NLGN1: variants seen among roughly 807,000 people sequenced by gnomAD.
The protein encoded by NLGN1 is neuroligin 1, also known as neuroligin-1.
A neutral mutation model predicts 65.5 loss-of-function variants in NLGN1; 12 were observed. The observed-to-expected ratio is 0.18, with a 90% CI of 0.12 to 0.30. The LOEUF (loss-of-function observed/expected upper bound fraction) is 0.30, where lower values mean the gene tolerates loss of function less well. Ranked by LOEUF, NLGN1 falls within the 10% of genes least tolerant of loss-of-function variation. NLGN1 has a pLI of 1.00. For synonymous variants in NLGN1, 350 were observed against 359.5 expected, an observed-to-expected ratio of 0.97 and a Z score of 0.30; for missense variants, 750 against 1,007.1, an observed-to-expected ratio of 0.74 and a Z score of 3.46.
At chr3:173,913,143 C>T (rs192786174) in intron 4 of NLGN1, among the ~76,000 whole-genome samples, 2 of 152,220 alleles carry the variant, frequency 1.3e-5, no homozygotes, top group East Asian at 3.9e-4. Context: ...TCTTGGTATT[C>T]CCTGACCAGT....
At chr3:174,168,270 G>A (rs1727895848) in intron 4 of NLGN1, among the ~76,000 whole-genome samples, 1 of 152,078 alleles carries the variant, frequency 6.6e-6, no homozygotes, top group Non-Finnish European at 1.5e-5. Context: ...TTCTTTGGTG[G>A]TGTCACTACA....
At chr3:173,603,494 C>G (rs181198658) in intron 2 of NLGN1, among the ~76,000 whole-genome samples, 1 of 152,028 alleles carries the variant, frequency 6.6e-6, no homozygotes, top group Non-Finnish European at 1.5e-5. Context: ...AATATATTGA[C>G]TTTGAGTCAT....
intron 4 of NLGN1, among the ~76,000 whole-genome samples, chr3:174,055,576 T>G (rs1735879764): frequency 6.6e-6 from 1 of 152,028 alleles, no homozygotes; most frequent in Non-Finnish European, 1.5e-5. Context: ...TTAAAGATTT[T>G]AGGCACTCTA....
At chr3:173,939,481 TA>T (rs1745616791) in intron 4 of NLGN1, among the ~76,000 whole-genome samples, 1 of 152,154 alleles carries the variant, frequency 6.6e-6, no homozygotes, top group African/African-American at 2.4e-5. Context: ...AGGAGGATTA[TA>T]CATACCACAG....
intron 4 of NLGN1, among the ~76,000 whole-genome samples, chr3:174,270,825 AT>A (rs1051733940): frequency 4.4e-4 from 67 of 151,920 alleles, no homozygotes; most frequent in African/African-American, 1.5e-3. Context: ...TTCGAGTTGG[AT>A]TTTTACCTGG....
rs1759007396 is a variant in NLGN1 at position 173,650,566 on chromosome 3, A to G, written c.493+45475A>G. Among the ~76,000 whole-genome samples, 4 of 152,156 alleles carry G rather than the reference A, an allele frequency of 2.6e-5. No homozygotes were observed. The South Asian group carries it at 8.3e-4, about 31-fold the overall frequency. On this transcript the variant is annotated intron_variant, in intron 3 of 6. Coordinates refer to ENST00000457714, the Ensembl canonical transcript of NLGN1. Reference sequence around the variant, plus strand: ...GGAATGGTATCACATTGTGCATTAAATTTGTATCTTTGTGATAATGAGTGG... The same window carrying G: ...GGAATGGTATCACATTGTGCATTAAGTTTGTATCTTTGTGATAATGAGTGG...
intron 4 of NLGN1, among the ~76,000 whole-genome samples, chr3:174,052,024 A>G (rs1416972259): frequency 6.6e-6 from 1 of 152,066 alleles, no homozygotes; most frequent in East Asian, 1.9e-4. Context: ...ATGTGGCATA[A>G]TCGGTTTTAA....
At chr3:174,276,458 C>T (rs889829826) in intron 5 of NLGN1, among the ~76,000 whole-genome samples, 1 of 150,636 alleles carries the variant, frequency 6.6e-6, no homozygotes, top group East Asian at 1.9e-4. Flanking sequence ...AAAACGTACA[C>T]CATCTTTCTT....
At chr3:173,813,010 C>A (rs1718289003) in intron 4 of NLGN1, among the ~76,000 whole-genome samples, 1 of 150,900 alleles carries the variant, frequency 6.6e-6, no homozygotes, top group East Asian at 1.9e-4. Context: ...ATTAATTGAT[C>A]TATATGAATA....
At chr3:174,157,274 C>T (rs1365103234) in intron 4 of NLGN1, among the ~76,000 whole-genome samples, 1 of 151,702 alleles carries the variant, frequency 6.6e-6, no homozygotes, top group Non-Finnish European at 1.5e-5. Flanking sequence ...ACACACAAAA[C>T]CCAGTGTAAC....
intron 4 of NLGN1, among the ~76,000 whole-genome samples, chr3:174,122,988 G>A (rs1314407343): frequency 6.6e-6 from 1 of 151,706 alleles, no homozygotes; most frequent in Non-Finnish European, 1.5e-5. Context: ...AAGATAGCAA[G>A]CATATGTGCA....
intron 3 of NLGN1, among the ~76,000 whole-genome samples, chr3:173,790,986 T>C (rs1016596206): frequency 1.4e-4 from 22 of 152,296 alleles, no homozygotes; most frequent in African/African-American, 3.8e-4. Context: ...TATTAATGTA[T>C]AATTTAGGAA....
intron 3 of NLGN1, among the ~76,000 whole-genome samples, chr3:173,634,846 A>T (rs1367189206): frequency 6.6e-6 from 1 of 152,212 alleles, no homozygotes; most frequent in East Asian, 1.9e-4. Context: ...CTGAAGGAGG[A>T]CTGAGGCTGA....
intron 4 of NLGN1, among the ~76,000 whole-genome samples, chr3:173,844,319 G>C (rs561227266): frequency 6.6e-6 from 1 of 152,122 alleles, no homozygotes; most frequent in African/African-American, 2.4e-5. Context: ...TAAGACAGAG[G>C]GGGTGTTTCG....
At chr3:173,662,043 A>C (rs1253469248) in intron 3 of NLGN1, among the ~76,000 whole-genome samples, 2 of 152,090 alleles carry the variant, frequency 1.3e-5, no homozygotes, top group African/African-American at 4.8e-5. Context: ...GTACCTAGTA[A>C]ATTCCTTAAT....
chr3:174,039,013 C>T (rs1316128819), intron 4 of NLGN1, among the ~76,000 whole-genome samples: 2 of 152,244 alleles, frequency 1.3e-5, no homozygotes, highest in African/African-American at 4.8e-5. Flanking sequence ...ACAGGATCTA[C>T]CATAGACATG....
intron 4 of NLGN1, among the ~76,000 whole-genome samples, chr3:173,847,542 T>C (rs1439539544): frequency 1.3e-5 from 2 of 152,190 alleles, no homozygotes; most frequent in East Asian, 3.8e-4. Flanking sequence ...AAAAGCTGTA[T>C]TCTATTATTT....
chr3:174,163,724 G>GCCTT (rs1332065131), intron 4 of NLGN1, among the ~76,000 whole-genome samples: 1 of 151,976 alleles, frequency 6.6e-6, no homozygotes, highest in Non-Finnish European at 1.5e-5. Flanking sequence ...TAGAATAATG[G>GCCTT]CCTTCTGCTG....
chr3:173,555,533 G>T (rs1417606740), intron 2 of NLGN1, among the ~76,000 whole-genome samples: 1 of 152,132 alleles, frequency 6.6e-6, no homozygotes, highest in Non-Finnish European at 1.5e-5. Flanking sequence ...AGCCTGAAGT[G>T]CAGTGGCATG....
Sources: gnomAD v4.1 joint callset for allele counts (sites outside exome capture counted in the v4.1 genomes callset) on GRCh38, gnomAD v4.1.1 for gene constraint, MANE v1.5 for transcripts, NCBI Gene and HGNC (gene_info 2026-07-23, HGNC 2026-07-21) for gene names.